The following ZNF385D variants were observed in gnomAD, a reference collection of about 807,000 sequenced individuals.
ZNF385D encodes zinc finger protein 659.
In ZNF385D, 15 loss-of-function variants were observed where a neutral mutation model predicts 35.8. That is an observed-to-expected ratio of 0.42 (90% CI 0.28 to 0.64). The LOEUF (loss-of-function observed/expected upper bound fraction) is 0.64, where lower values mean the gene tolerates loss of function less well. Among genes scored for constraint, ZNF385D ranks in the 30% least tolerant of loss-of-function variants. The pLI is 0.23. For missense variants in ZNF385D, 474 were observed against 494.6 expected, an observed-to-expected ratio of 0.96 and a Z score of 0.39; for synonymous variants, 212 against 186.8, an observed-to-expected ratio of 1.13 and a Z score of -1.10.
At chr3:22,163,904 T>C (rs999415441) in intron 3 of ZNF385D, among the ~76,000 whole-genome samples, 1 of 103,454 alleles carries the variant, frequency 9.7e-6, no homozygotes, top group Non-Finnish European at 2.2e-5. Context: ...AAAAGGATGA[T>C]GTGCTTACTA....
chr3:22,086,791 G>C (rs1238332020), intron 3 of ZNF385D, among the ~76,000 whole-genome samples: 2 of 152,146 alleles, frequency 1.3e-5, no homozygotes, highest in Non-Finnish European at 2.9e-5. Context: ...TAGGGACATG[G>C]ATGAAGCTGG....
intron 1 of ZNF385D, among the ~76,000 whole-genome samples, chr3:21,678,252 G>A (rs1287328123): frequency 6.6e-6 from 1 of 152,092 alleles, no homozygotes; most frequent in Non-Finnish European, 1.5e-5. Flanking sequence ...TGATTTGTCT[G>A]TCAAAGCTTG....
At chr3:22,292,948 G>T (rs368018686) in intron 2 of ZNF385D, among the ~76,000 whole-genome samples, 115 of 152,060 alleles carry the variant, frequency 7.6e-4, no homozygotes, top group African/African-American at 2.7e-3. Flanking sequence ...TTTCCCTTTA[G>T]ACATGATGCC....
chr3:21,682,683 A>G (rs1559514926), intron 1 of ZNF385D, among the ~76,000 whole-genome samples: 1 of 149,954 alleles, frequency 6.7e-6, no homozygotes, highest in Non-Finnish European at 1.5e-5. Flanking sequence ...ACTGGATGAA[A>G]CCTTAGCAAT....
chr3:22,173,763 A>G (rs890229729), intron 2 of ZNF385D, among the ~76,000 whole-genome samples: 1 of 152,202 alleles, frequency 6.6e-6, no homozygotes, highest in Non-Finnish European at 1.5e-5. Context: ...ATACAAACTT[A>G]CAATGGAAAG....
intron 3 of ZNF385D, among the ~76,000 whole-genome samples, chr3:21,975,133 G>C (rs1327239650): frequency 6.6e-6 from 1 of 152,292 alleles, no homozygotes. Flanking sequence ...GTTTGTGGCA[G>C]CACTGCTCTG....
chr3:21,461,185 A>G (rs934117430), intron 4 of ZNF385D, among the ~76,000 whole-genome samples: 5 of 152,190 alleles, frequency 3.3e-5, no homozygotes, highest in Non-Finnish European at 5.9e-5. Flanking sequence ...TTCATCTTCA[A>G]AATCATTTTG....
intron 3 of ZNF385D, among the ~76,000 whole-genome samples, chr3:22,020,791 A>G (rs922011376): frequency 6.6e-6 from 1 of 151,994 alleles, no homozygotes. Flanking sequence ...ACTGAAAGGA[A>G]AATAATCATT....
upstream of ZNF385D, among the ~76,000 whole-genome samples, chr3:21,755,137 T>C (rs2070283067): frequency 1.3e-5 from 2 of 152,234 alleles, no homozygotes; most frequent in Admixed American, 6.5e-5. Context: ...TGAGTTAGCA[T>C]AGCTCAGTTG....
At chr3:22,102,167 T>C (rs1490889713) in intron 3 of ZNF385D, among the ~76,000 whole-genome samples, 5 of 151,990 alleles carry the variant, frequency 3.3e-5, no homozygotes, top group Non-Finnish European at 5.9e-5. Flanking sequence ...TTTCCCAGGA[T>C]GATTTCTTTC....
At chr3:21,922,040 C>G (rs559238090) in intron 3 of ZNF385D, among the ~76,000 whole-genome samples, 1 of 151,872 alleles carries the variant, frequency 6.6e-6, no homozygotes, top group East Asian at 1.9e-4. Flanking sequence ...AAAGACACAA[C>G]GAGAAAAGAA....
chr3:21,895,339 T>C (rs1001705389), intron 3 of ZNF385D, among the ~76,000 whole-genome samples: 1 of 141,356 alleles, frequency 7.1e-6, no homozygotes, highest in African/African-American at 2.7e-5. Flanking sequence ...TTTTTTTTTT[T>C]TTTTTTAAGA....
intron 1 of ZNF385D, among the ~76,000 whole-genome samples, chr3:21,708,157 T>G (rs746659995): frequency 2.8e-4 from 43 of 152,310 alleles, no homozygotes; most frequent in Admixed American, 2.0e-3. Context: ...CAGTTTAAAT[T>G]TGTTGGTGCT....
intron 3 of ZNF385D, among the ~76,000 whole-genome samples, chr3:21,543,422 G>C (rs946716433): frequency 6.6e-6 from 1 of 151,972 alleles, no homozygotes; most frequent in African/African-American, 2.4e-5. Context: ...GCCTTTTCAC[G>C]GTCTTTTCCT....
At chr3:21,819,710 G>A (rs1294012764) in intron 3 of ZNF385D, among the ~76,000 whole-genome samples, 4 of 140,602 alleles carry the variant, frequency 2.8e-5, no homozygotes, top group African/African-American at 5.2e-5. Context: ...ATATATACAC[G>A]TATATATATA....
At chr3:22,111,716 C>T (rs941955744) in intron 3 of ZNF385D, among the ~76,000 whole-genome samples, 3 of 152,090 alleles carry the variant, frequency 2.0e-5, no homozygotes, top group East Asian at 1.9e-4. Flanking sequence ...TAGAAGACAT[C>T]GGATCAAACT....
At chr3:21,684,610 A>G (rs776833966) in intron 1 of ZNF385D, among the ~76,000 whole-genome samples, 2 of 152,056 alleles carry the variant, frequency 1.3e-5, no homozygotes, top group Non-Finnish European at 2.9e-5. Flanking sequence ...AAAGCATTAC[A>G]TTTTCTGACA....
intron 2 of ZNF385D, among the ~76,000 whole-genome samples, chr3:22,362,598 G>C (rs1378039107): frequency 6.6e-6 from 1 of 152,052 alleles, no homozygotes; most frequent in East Asian, 1.9e-4. Context: ...ATAGGTTTGA[G>C]TACTTCTTAT....
At chr3:22,078,169 A>G (rs1394841125) in intron 3 of ZNF385D, among the ~76,000 whole-genome samples, 2 of 151,972 alleles carry the variant, frequency 1.3e-5, no homozygotes, top group Non-Finnish European at 2.9e-5. Flanking sequence ...CTGGATATGC[A>G]ATGTTCAAAA....
Sources: gnomAD v4.1 joint callset for allele counts (sites outside exome capture counted in the v4.1 genomes callset) on GRCh38, gnomAD v4.1.1 for gene constraint, MANE v1.5 for transcripts, NCBI Gene and HGNC (gene_info 2026-07-23, HGNC 2026-07-21) for gene names.